The following RASAL2 variants were observed in gnomAD, a reference collection of about 807,000 sequenced individuals.
The protein encoded by RASAL2 is ras GTPase-activating protein nGAP.
RASAL2 carries 58 observed loss-of-function variants against 128.9 expected under a neutral mutation model. The ratio of observed to expected loss-of-function variants is 0.45; its 90% CI spans 0.36 to 0.56. The LOEUF is 0.56. Among genes scored for constraint, RASAL2 ranks in the 20% least tolerant of loss-of-function variants. The probability of loss-of-function intolerance (pLI) is 0.00; values close to 1 mark genes in which losing one functional copy is unlikely to be tolerated. For missense variants in RASAL2, 1,360 were observed against 1,601.6 expected (o/e 0.85, Z 2.57); for synonymous variants, 561 against 580.8 (o/e 0.97, Z 0.49).
At chr1:178,255,501 C>A (rs1466474140) in intron 1 of RASAL2, among the ~76,000 whole-genome samples, 1 of 151,848 alleles carries the variant, frequency 6.6e-6, no homozygotes, top group Non-Finnish European at 1.5e-5. Flanking sequence ...GTAATTATAG[C>A]AATGTATTAA....
intron 1 of RASAL2, among the ~76,000 whole-genome samples, chr1:178,166,100 C>T (rs1372574391): frequency 6.6e-6 from 1 of 152,098 alleles, no homozygotes; most frequent in Admixed American, 6.6e-5. Context: ...TGATTGTTTC[C>T]GGCTTCCTGA....
At position 178,282,237 on chromosome 1, in the gene RASAL2, G is replaced by T. The variant is rs150317581; in HGVS notation, c.203-1327G>T. ...TCTTGGACCTTGAATTATCTTTGGGGGGAGTTGATAAACCCCCAAACATGC... is the reference window on the plus strand; with the variant it reads ...TCTTGGACCTTGAATTATCTTTGGGTGGAGTTGATAAACCCCCAAACATGC... On this transcript the variant is annotated intron_variant, in intron 1 of 17. Coordinates refer to ENST00000367649, the MANE Select transcript of RASAL2 (RefSeq NM_170692.4). 1.7e-3 allele frequency among the ~76,000 whole-genome samples: 262 copies of T among 152,202 alleles called. 2 individuals carry two copies. The highest frequency in any genetic ancestry group is 3.9e-3 in the South Asian group (19 of 4,828).
At chr1:178,293,108 A>G (rs1167880535) in intron 2 of RASAL2, among the ~76,000 whole-genome samples, 5 of 152,192 alleles carry the variant, frequency 3.3e-5, no homozygotes, top group Non-Finnish European at 7.3e-5. Context: ...GATATATAAT[A>G]TGCCCTTATA....
At chr1:178,290,053 C>T (rs1305433921) in intron 2 of RASAL2, among the ~76,000 whole-genome samples, 1 of 152,130 alleles carries the variant, frequency 6.6e-6, no homozygotes, top group Non-Finnish European at 1.5e-5. Flanking sequence ...AATTACCTGG[C>T]TCTAATATAT....
chr1:178,304,487 C>T (rs1414152461), intron 3 of RASAL2, among the ~76,000 whole-genome samples: 1 of 152,194 alleles, frequency 6.6e-6, no homozygotes. Context: ...CACACCACTG[C>T]ACTCTAGCTT....
In RASAL2 at chr1:178,094,267, C is replaced by T. The variant is rs1246985263; in HGVS notation, c.-226C>T. The T allele has an allele frequency of 3.7e-6, 2 of 536,826 alleles. No individual in the cohort carries two copies. Among genetic ancestry groups the T allele is most frequent in the African/African-American group, 2.0e-5 (1 of 48,868 alleles). 33.3% of individuals were successfully genotyped at this position (536,826 alleles called of 1,614,324 possible). Reference sequence around the variant, plus strand: ...CCCTTGGTCGGGGCCACGCTGGATCCTCCTCCCGGCCTGGGTCCCGCCCGC... The same window carrying T: ...CCCTTGGTCGGGGCCACGCTGGATCTTCCTCCCGGCCTGGGTCCCGCCCGC... On this transcript the variant is annotated 5_prime_UTR_variant, in exon 1 of 18. Coordinates refer to ENST00000367649, the MANE Select transcript of RASAL2 (RefSeq NM_170692.4).
At chr1:178,274,719 T>C (rs1666413725) in intron 1 of RASAL2, among the ~76,000 whole-genome samples, 1 of 151,986 alleles carries the variant, frequency 6.6e-6, no homozygotes, top group Admixed American at 6.6e-5. Context: ...TCCTGAGTAG[T>C]TGGGACTAAA....
chr1:178,247,857 G>C (rs1664846305), intron 1 of RASAL2, among the ~76,000 whole-genome samples: 1 of 152,202 alleles, frequency 6.6e-6, no homozygotes, highest in Non-Finnish European at 1.5e-5. Flanking sequence ...AGGTTGTTCA[G>C]TTTCCATGTA....
intron 5 of RASAL2, among the ~76,000 whole-genome samples, chr1:178,425,221 AG>A (rs1162937935): frequency 6.6e-6 from 1 of 152,224 alleles, no homozygotes; most frequent in Admixed American, 6.5e-5. Flanking sequence ...AAAAGTAGAA[AG>A]TAGGAAATTA....
intron 1 of RASAL2, among the ~76,000 whole-genome samples, chr1:178,147,519 T>G (rs1017174085): frequency 4.6e-5 from 7 of 151,644 alleles, no homozygotes; most frequent in South Asian, 2.1e-4. Flanking sequence ...AAAGCTAGTT[T>G]ATATAAACAG....
intron 4 of RASAL2, among the ~76,000 whole-genome samples, chr1:178,405,670 G>A (rs1346173984): frequency 1.3e-5 from 2 of 152,340 alleles, no homozygotes; most frequent in Non-Finnish European, 2.9e-5. Flanking sequence ...CAGACCTGCT[G>A]ACACTTTGAT....
intron 4 of RASAL2, among the ~76,000 whole-genome samples, chr1:178,393,964 T>C (rs1195141654): frequency 6.6e-6 from 1 of 152,222 alleles, no homozygotes; most frequent in Non-Finnish European, 1.5e-5. Flanking sequence ...TAATAAACAT[T>C]TAATAAGAGA....
intron 3 of RASAL2, among the ~76,000 whole-genome samples, chr1:178,344,518 A>G (rs1037923938): frequency 8.5e-5 from 13 of 152,318 alleles, no homozygotes; most frequent in African/African-American, 2.9e-4. Context: ...TATGTAGACA[A>G]CACGATTGTG....
chr1:178,203,800 A>G (rs965291577), intron 1 of RASAL2, among the ~76,000 whole-genome samples: 4 of 152,226 alleles, frequency 2.6e-5, no homozygotes, highest in African/African-American at 7.2e-5. Flanking sequence ...CAATGGAGGT[A>G]AGGAAGAGTA....
intron 3 of RASAL2, among the ~76,000 whole-genome samples, chr1:178,352,451 AG>A (rs980978801): frequency 3.9e-5 from 6 of 152,290 alleles, no homozygotes; most frequent in African/African-American, 1.4e-4. Flanking sequence ...TGGGCTCCCA[AG>A]GCCTTGGGCA....
Position 178,454,630 on chromosome 1 carries a change from A to G in RASAL2, c.2193A>G (p.Val731=). ...TTTTGCATTCCTTACTGTGGGAAGT[A>G]GTTTCCCAACTTGATAAGGTAAAGT... ...LSVLHSLLWE[V]VSQLDKATVA... is the part of the protein sequence containing the mutation. The change falls in exon 12 of 18, where the codon GTA becomes GTG. Residue 731 remains valine, a synonymous_variant. Coordinates refer to ENST00000367649, the MANE Select transcript of RASAL2 (RefSeq NM_170692.4). 1 of 1,613,684 alleles carries G rather than the reference A, an allele frequency of 6.2e-7. No homozygotes were observed.
rs1662509987 is a variant in RASAL2 at position 178,191,986 on chromosome 1, G to A, written c.203-91578G>A. Among the ~76,000 whole-genome samples the A allele has an allele frequency of 2.0e-5, 3 of 152,128 alleles. No individual in the cohort carries two copies. In the South Asian group the frequency reaches 6.2e-4, roughly 32 times the overall value. On this transcript the variant is annotated intron_variant, in intron 1 of 17. Coordinates refer to ENST00000367649, the MANE Select transcript of RASAL2 (RefSeq NM_170692.4). ...TCTAATTATTATAAAAATAACCCTT[G>A]ATAGACACCTGAACACATGCATACA...
intron 1 of RASAL2, among the ~76,000 whole-genome samples, chr1:178,098,268 A>G (rs767118558): frequency 1.3e-5 from 2 of 152,364 alleles, no homozygotes; most frequent in South Asian, 2.1e-4. Context: ...TTGACCATCC[A>G]GATCTCAACC....
At chr1:178,356,053 C>T (rs1315962591) in intron 3 of RASAL2, among the ~76,000 whole-genome samples, 1 of 151,608 alleles carries the variant, frequency 6.6e-6, no homozygotes, top group African/African-American at 2.4e-5. Context: ...CCTGTAATCC[C>T]AGCTACCTGG....
Sources: allele counts gnomAD v4.1 joint callset (sites outside exome capture counted in the v4.1 genomes callset), GRCh38; gene constraint gnomAD v4.1.1; transcripts MANE v1.5; gene names NCBI Gene and HGNC (gene_info 2026-07-23, HGNC 2026-07-21).